Variants in SHLD2 observed in about 807,000 individuals in gnomAD.
The protein encoded by SHLD2 is RINN1-REV7-interacting novel NHEJ regulator 2.
Under a neutral mutation model 73.2 loss-of-function variants are expected in SHLD2, and 30 were observed. The observed-to-expected ratio is 0.41, with a 90% CI of 0.31 to 0.56. The LOEUF (loss-of-function observed/expected upper bound fraction) is 0.56, where lower values mean the gene tolerates loss of function less well. Among genes scored for constraint, SHLD2 ranks in the 20% least tolerant of loss-of-function variants. SHLD2 has a pLI of 0.28. For missense variants in SHLD2, 745 were observed against 1,055.9 expected, an observed-to-expected ratio of 0.71 and a Z score of 4.08; for synonymous variants, 285 against 370.1, an observed-to-expected ratio of 0.77 and a Z score of 2.64.
At chr10:87,099,474 C>A (rs779559389) in intron 2 of SHLD2, among the ~76,000 whole-genome samples, 1 of 152,166 alleles carries the variant, frequency 6.6e-6, no homozygotes, top group Non-Finnish European at 1.5e-5. Flanking sequence ...AAGGTTTATG[C>A]GTGTAGCATG....
At chr10:87,113,341 C>A (rs7095165) in intron 2 of SHLD2, among the ~76,000 whole-genome samples, 33 of 151,994 alleles carry the variant, frequency 2.2e-4, no homozygotes, top group East Asian at 5.8e-4. Context: ...CAAAACAAAA[C>A]AAAAACAAAA....
chr10:87,101,405 C>A (rs372378711), intron 2 of SHLD2, among the ~76,000 whole-genome samples: 2 of 152,068 alleles, frequency 1.3e-5, no homozygotes, highest in East Asian at 3.8e-4. Context: ...ACTAAGTATT[C>A]TTTTTGATGC....
At chr10:87,110,556 G>C (rs1343124968) in intron 2 of SHLD2, among the ~76,000 whole-genome samples, 4 of 143,298 alleles carry the variant, frequency 2.8e-5, no homozygotes, top group Admixed American at 2.1e-4. Flanking sequence ...GCAGTGAGCT[G>C]AGATTGCACC....
intron 9 of SHLD2, among the ~76,000 whole-genome samples, chr10:87,188,952 T>G (rs958498552): frequency 3.3e-5 from 5 of 152,004 alleles, no homozygotes; most frequent in African/African-American, 9.7e-5. Context: ...CTTTTGGCTA[T>G]TTTCATTCCT....
intron 6 of SHLD2, 126 bp from the exon 7 acceptor site, chr10:87,175,763 T>A: frequency 1.3e-6 from 1 of 754,794 alleles, no homozygotes; most frequent in Admixed American, 2.8e-5. Context: ...TGTCTCTGTT[T>A]ACCCAAATTC....
At chr10:87,188,120 G>T (rs907700644) in intron 9 of SHLD2, among the ~76,000 whole-genome samples, 1 of 152,224 alleles carries the variant, frequency 6.6e-6, no homozygotes, top group Non-Finnish European at 1.5e-5. Context: ...TAACCTGGTG[G>T]GCGGGAGCAG....
chr10:87,142,383 G>A (rs551090322), intron 2 of SHLD2, among the ~76,000 whole-genome samples: 127 of 152,344 alleles, frequency 8.3e-4, no homozygotes, highest in African/African-American at 3.0e-3. Context: ...GAGAGTCAGT[G>A]TGGTAGTTAA....
At chr10:87,107,330 C>T (rs1842665037) in intron 2 of SHLD2, among the ~76,000 whole-genome samples, 1 of 152,088 alleles carries the variant, frequency 6.6e-6, no homozygotes, top group Non-Finnish European at 1.5e-5. Context: ...AGGAGAATTG[C>T]TTGAACCTGG....
At chr10:87,101,911 T>C (rs1842291770) in intron 2 of SHLD2, among the ~76,000 whole-genome samples, 1 of 152,176 alleles carries the variant, frequency 6.6e-6, no homozygotes, top group Admixed American at 6.5e-5. Flanking sequence ...GGTTTTTGTA[T>C]GCTTCAACCT....
intron 2 of SHLD2, among the ~76,000 whole-genome samples, chr10:87,139,604 C>T (rs1039289096): frequency 7.9e-5 from 12 of 152,208 alleles, no homozygotes; most frequent in African/African-American, 2.4e-4. Context: ...TGGTGACTCA[C>T]GCCTACACAC....
chr10:87,119,644 C>T (rs2134063191), intron 2 of SHLD2, among the ~76,000 whole-genome samples: 1 of 147,890 alleles, frequency 6.8e-6, no homozygotes, highest in South Asian at 2.1e-4. Context: ...CCTGTAGTCC[C>T]AACTACTCGG....
chr10:87,157,530 C>T (rs1846520549), intron 3 of SHLD2, among the ~76,000 whole-genome samples: 1 of 152,108 alleles, frequency 6.6e-6, no homozygotes, highest in Non-Finnish European at 1.5e-5. Flanking sequence ...GAAAATGTTC[C>T]CTACCTCCAA....
chr10:87,116,738 G>A (rs1158626675), intron 2 of SHLD2, among the ~76,000 whole-genome samples: 6 of 152,200 alleles, frequency 3.9e-5, no homozygotes. Flanking sequence ...TCACGGCTGT[G>A]GTATATATAT....
intron 2 of SHLD2, among the ~76,000 whole-genome samples, chr10:87,102,350 G>C (rs958378605): frequency 6.6e-6 from 1 of 151,968 alleles, no homozygotes; most frequent in Admixed American, 6.6e-5. Context: ...GGACCCAAGC[G>C]GTCTTCCCAC....
At chr10:87,120,648 T>C (rs1463677655) in intron 2 of SHLD2, among the ~76,000 whole-genome samples, 1 of 152,228 alleles carries the variant, frequency 6.6e-6, no homozygotes, top group Non-Finnish European at 1.5e-5. Flanking sequence ...TTCAGTAATA[T>C]TCTTTTCAAG....
chr10:87,138,751 T>C (rs773172273), intron 2 of SHLD2, among the ~76,000 whole-genome samples: 24 of 152,236 alleles, frequency 1.6e-4, no homozygotes, highest in Non-Finnish European at 2.8e-4. Context: ...ACAAGAATCA[T>C]TCTCCTACAG....
At chr10:87,147,090 A>T (rs1269922393) in intron 2 of SHLD2, among the ~76,000 whole-genome samples, 2 of 106,930 alleles carry the variant, frequency 1.9e-5, no homozygotes, top group African/African-American at 7.5e-5. Context: ...AAAAAAAAAC[A>T]AAAAAACCTT....
chr10:87,135,854 G>T (rs2264968), intron 2 of SHLD2, among the ~76,000 whole-genome samples: 1 of 151,952 alleles, frequency 6.6e-6, no homozygotes, highest in African/African-American at 2.4e-5. Context: ...ATGACTAATC[G>T]GTGTTGCTAT....
At chr10:87,172,368 CTG>C (rs969856476) in intron 6 of SHLD2, among the ~76,000 whole-genome samples, 3 of 152,058 alleles carry the variant, frequency 2.0e-5, no homozygotes, top group Non-Finnish European at 2.9e-5. Context: ...ATTCAAAAAA[CTG>C]TGATCAGGAA....
Sources: allele counts gnomAD v4.1 joint callset (sites outside exome capture counted in the v4.1 genomes callset), GRCh38; gene constraint gnomAD v4.1.1; transcripts MANE v1.5; gene names NCBI Gene and HGNC (gene_info 2026-07-23, HGNC 2026-07-21).